Variants in NEK7 observed in about 807,000 individuals in gnomAD.
The protein encoded by NEK7 is NIMA related kinase 7.
NEK7 carries 18 observed loss-of-function variants against 44.6 expected under a neutral mutation model. The ratio of observed to expected loss-of-function variants is 0.40; its 90% CI spans 0.28 to 0.60. NEK7 has a LOEUF of 0.60. Among genes scored for constraint, NEK7 ranks in the 20% least tolerant of loss-of-function variants. The probability of loss-of-function intolerance (pLI) is 0.38; values close to 1 mark genes in which losing one functional copy is unlikely to be tolerated. For synonymous variants in NEK7, 130 were observed against 121.1 expected (o/e 1.07, Z -0.48); for missense variants, 256 against 366.5 (o/e 0.70, Z 2.46).
chr1:198,244,578 C>G (rs1027279013), intron 2 of NEK7, among the ~76,000 whole-genome samples: 6 of 151,990 alleles, frequency 3.9e-5, no homozygotes, highest in Admixed American at 3.3e-4. Context: ...AAGTTAATCC[C>G]AATTAGTTAG....
At chr1:198,259,246 C>T (rs767838097) in intron 3 of NEK7, among the ~76,000 whole-genome samples, 2 of 151,942 alleles carry the variant, frequency 1.3e-5, no homozygotes, top group African/African-American at 2.4e-5. Flanking sequence ...GTTATGGTTT[C>T]CTAAAACTCT....
At chr1:198,240,447 T>C (rs1414918045) in intron 2 of NEK7, among the ~76,000 whole-genome samples, 1 of 150,694 alleles carries the variant, frequency 6.6e-6, no homozygotes, top group Non-Finnish European at 1.5e-5. Flanking sequence ...AAAATAGTCT[T>C]CCGTCTTCCA....
chr1:198,211,736 C>T (rs1480281899), intron 1 of NEK7, among the ~76,000 whole-genome samples: 1 of 151,946 alleles, frequency 6.6e-6, no homozygotes, highest in East Asian at 1.9e-4. Flanking sequence ...AGATGGCGGA[C>T]TGGAGGCATC....
intron 7 of NEK7, among the ~76,000 whole-genome samples, chr1:198,286,555 C>T (rs2102995799): frequency 6.6e-6 from 1 of 151,958 alleles, no homozygotes; most frequent in Non-Finnish European, 1.5e-5. Context: ...GAATCATTAA[C>T]ACGTTTGTAT....
At chr1:198,224,084 T>A (rs953860445) in intron 1 of NEK7, among the ~76,000 whole-genome samples, 5 of 152,182 alleles carry the variant, frequency 3.3e-5, no homozygotes, top group Non-Finnish European at 4.4e-5. Context: ...GTTATTGAAA[T>A]ACTTCTCTTT....
chr1:198,175,338 G>A (rs1449451983), intron 1 of NEK7, among the ~76,000 whole-genome samples: 1 of 151,980 alleles, frequency 6.6e-6, no homozygotes, highest in East Asian at 1.9e-4. Context: ...CTGTTATTGA[G>A]TACTTGTTAC....
intron 9 of NEK7, among the ~76,000 whole-genome samples, chr1:198,316,654 T>C (rs1275520664): frequency 3.3e-5 from 5 of 152,246 alleles, no homozygotes; most frequent in African/African-American, 1.2e-4. Context: ...CTTTGTTCTG[T>C]CTATCTTCCG....
intron 2 of NEK7, among the ~76,000 whole-genome samples, chr1:198,236,806 A>G (rs1231095220): frequency 6.6e-6 from 1 of 152,120 alleles, no homozygotes; most frequent in African/African-American, 2.4e-5. Flanking sequence ...CATCTAAACA[A>G]CAAAATGAAA....
At chr1:198,160,125 A>G (rs1423560424) in intron 1 of NEK7, among the ~76,000 whole-genome samples, 1 of 152,188 alleles carries the variant, frequency 6.6e-6, no homozygotes, top group East Asian at 1.9e-4. Context: ...AGAACTAAAC[A>G]CTATTTTCCT....
intron 3 of NEK7, chr1:198,256,552 C>T (rs920176011): frequency 4.4e-5 from 64 of 1,457,500 alleles, no homozygotes; most frequent in Non-Finnish European, 5.8e-5. Context: ...TTTTCTTTCT[C>T]TCTTGCCTCC....
chr1:198,310,226 G>C (rs980033412), intron 9 of NEK7, among the ~76,000 whole-genome samples: 5 of 152,046 alleles, frequency 3.3e-5, no homozygotes, highest in Non-Finnish European at 7.4e-5. Context: ...GTGTTTTTTG[G>C]CTGCATAAAT....
intron 6 of NEK7, 115 bp from the exon 7 acceptor site, chr1:198,278,834 TAAATC>T: frequency 9.9e-6 from 6 of 604,954 alleles, no homozygotes; most frequent in Non-Finnish European, 1.7e-5. Context: ...AATTGGTTCA[TAAATC>T]AAACTTTCAT....
chr1:198,198,570 T>C (rs1019989702), intron 1 of NEK7, among the ~76,000 whole-genome samples: 7 of 152,250 alleles, frequency 4.6e-5, no homozygotes, highest in African/African-American at 1.4e-4. Flanking sequence ...GACAGGATCC[T>C]GTGCTTGGAA....
Position 198,319,756 on chromosome 1 carries a change from A to G in NEK7, c.*234A>G. 2 of 381,888 alleles carry G rather than the reference A, an allele frequency of 5.2e-6. No individual in the cohort carries two copies. Among genetic ancestry groups the G allele is most frequent in the Non-Finnish European group, 9.4e-6 (2 of 212,492 alleles). The allele number at this position is 381,888 out of a possible 1,614,324, so 23.7% of individuals were successfully genotyped here. ...ATGTTAGGAGAGAAAATGAAACATG[A>G]TGGTTTTGAATGGCTAAAGGTTTAT... is the stretch of plus-strand genomic sequence containing the variant. On this transcript the variant is annotated 3_prime_UTR_variant, in exon 10 of 10. Transcript: ENST00000367385.
intron 7 of NEK7, among the ~76,000 whole-genome samples, chr1:198,280,752 A>G (rs1043821495): frequency 1.3e-5 from 2 of 148,262 alleles, no homozygotes; most frequent in African/African-American, 4.9e-5. Flanking sequence ...GTATATTTAT[A>G]TAATATATAT....
At chr1:198,241,789 C>T (rs1170839087) in intron 2 of NEK7, among the ~76,000 whole-genome samples, 1 of 152,118 alleles carries the variant, frequency 6.6e-6, no homozygotes, top group Non-Finnish European at 1.5e-5. Flanking sequence ...CAAGTTTTTA[C>T]CTCATCAAGT....
intron 1 of NEK7, among the ~76,000 whole-genome samples, chr1:198,163,513 TAAAAAAAATA>T (rs897068187): frequency 6.6e-6 from 1 of 150,926 alleles, no homozygotes; most frequent in African/African-American, 2.4e-5. Context: ...ACCCTGTCTC[TAAAAAAAATA>T]AAAAAAAAAT....
chr1:198,200,501 TG>T (rs1665395002), intron 1 of NEK7, among the ~76,000 whole-genome samples: 3 of 152,240 alleles, frequency 2.0e-5, no homozygotes, highest in South Asian at 4.1e-4. Flanking sequence ...GACTGAATGA[TG>T]AGGGTGTTTA....
chr1:198,244,764 T>C (rs1004625236), intron 2 of NEK7, among the ~76,000 whole-genome samples: 1 of 152,120 alleles, frequency 6.6e-6, no homozygotes, highest in Non-Finnish European at 1.5e-5. Flanking sequence ...TCGAATACAT[T>C]CACTGAGTTA....
Sources: allele counts gnomAD v4.1 joint callset (sites outside exome capture counted in the v4.1 genomes callset), GRCh38; gene constraint gnomAD v4.1.1; transcripts MANE v1.5; gene names NCBI Gene and HGNC (gene_info 2026-07-23, HGNC 2026-07-21).